The following GALNT16 variants were observed in gnomAD, a reference collection of about 807,000 sequenced individuals.
GALNT16 encodes polypeptide N-acetylgalactosaminyltransferase 16, also known as UDP-GalNAc:polypeptide N-acetylgalactosaminyltransferase-like protein 1.
Under a neutral mutation model 76.1 loss-of-function variants are expected in GALNT16, and 40 were observed. That is an observed-to-expected ratio of 0.53 (90% CI 0.41 to 0.68). GALNT16 has a LOEUF of 0.68. Among genes scored for constraint, GALNT16 ranks in the 30% least tolerant of loss-of-function variants. The probability of loss-of-function intolerance (pLI) is 0.00; values close to 1 mark genes in which losing one functional copy is unlikely to be tolerated. For synonymous variants in GALNT16, 276 were observed against 285.2 expected (o/e 0.97, Z 0.32); for missense variants, 621 against 731.9 (o/e 0.85, Z 1.75).
intron 5 of GALNT16, among the ~76,000 whole-genome samples, chr14:69,326,676 C>A (rs1017528415): frequency 6.6e-6 from 1 of 152,190 alleles, no homozygotes; most frequent in Non-Finnish European, 1.5e-5. Context: ...GTGCACTCTG[C>A]AAGCAAAGGC....
Position 69,338,771 on chromosome 14 carries a change from A to G in GALNT16, c.1088A>G (p.Tyr363Cys). The change falls in exon 10 of 15, where the codon TAC (tyrosine) becomes TGC (cysteine). Residue 363 changes from tyrosine to cysteine, a missense_variant. Transcript: ENST00000448469. The part of the protein sequence containing the change: ...YNFPEGNALT[Y>C]IRNTKRTAEV... ...TTCCCTGAGGGTAATGCCCTCACCT[A>G]CATCAGGTAGGTCACCGAGAAAGGA... The G allele has an allele frequency of 3.7e-6, 6 of 1,612,348 alleles. No homozygotes were observed. Among genetic ancestry groups the G allele is most frequent in the Non-Finnish European group, 4.2e-6 (5 of 1,179,148 alleles).
chr14:69,333,572 G>C lies in GALNT16; in HGVS notation c.939G>C (p.Gln313His). ...WFNHLGKYDAQMDIWGGENFE... is the reference protein window; with the variant it reads ...WFNHLGKYDAHMDIWGGENFE... ...ACCACTTGGGAAAGTATGATGCCCA[G>C]ATGGACATCTGGGGGGGAGAGAATT... The change falls in exon 9 of 15, where the codon CAG becomes CAC. Residue 313 changes from glutamine to histidine, a missense_variant. Coordinates refer to ENST00000448469, the MANE Select transcript of GALNT16 (RefSeq NM_001168368.2). The surrounding 1 kb of genome is among the most constrained non-coding windows in gnomAD (Gnocchi z 4.2). The C allele has an allele frequency of 6.3e-7, 1 of 1,592,028 alleles. No individual in the cohort carries two copies. The highest frequency in any genetic ancestry group is 8.6e-7 in the Non-Finnish European group (1 of 1,163,630).
intron 1 of GALNT16, among the ~76,000 whole-genome samples, chr14:69,295,802 T>C (rs1348122338): frequency 6.6e-6 from 1 of 151,940 alleles, no homozygotes; most frequent in Non-Finnish European, 1.5e-5. Flanking sequence ...TTTTCTGGAG[T>C]ACTTAATTTC....
chr14:69,383,545 T>A, the GALNT16 span, among the ~76,000 whole-genome samples: 23 of 152,200 alleles, frequency 1.5e-4, no homozygotes, highest in Admixed American at 2.6e-4. Flanking sequence ...CAAAGTCACC[T>A]GGGGAAAATA....
intron 1 of GALNT16, among the ~76,000 whole-genome samples, chr14:69,311,170 G>A (rs1226260984): frequency 6.6e-6 from 1 of 152,164 alleles, no homozygotes; most frequent in Admixed American, 6.5e-5. Context: ...CCAAGATCAA[G>A]GCACCAGCAG....
At chr14:69,301,922 G>A (rs1043013359) in intron 1 of GALNT16, among the ~76,000 whole-genome samples, 10 of 152,130 alleles carry the variant, frequency 6.6e-5, no homozygotes, top group South Asian at 4.1e-4. Context: ...CCCAGGAGGC[G>A]GGGTTGCAGT....
At chr14:69,260,089 G>C (rs2044239910), upstream of GALNT16, 1 of 550,168 alleles carries the variant, frequency 1.8e-6, no homozygotes, top group Non-Finnish European at 3.2e-6. Context: ...GGGGCTGAAG[G>C]GCATTAGGAC....
chr14:69,324,551 G>A (rs139663330), intron 2 of GALNT16, 141 bp from the exon 3 acceptor site: 20 of 498,152 alleles, frequency 4.0e-5, no homozygotes, highest in South Asian at 2.6e-4. Flanking sequence ...GGGTGGAGGC[G>A]CGGGGCCTCT....
intron 1 of GALNT16, among the ~76,000 whole-genome samples, chr14:69,305,627 T>G (rs867252589): frequency 9.9e-5 from 15 of 152,170 alleles, no homozygotes; most frequent in Middle Eastern, 3.2e-3. Flanking sequence ...TTGTTTTTGT[T>G]TTTTTTAACT....
chr14:69,270,647 G>A (rs1301731517), intron 1 of GALNT16, among the ~76,000 whole-genome samples: 1 of 152,234 alleles, frequency 6.6e-6, no homozygotes, highest in Non-Finnish European at 1.5e-5. Context: ...GCCTTCCAAA[G>A]TTGCTGGATC....
intron 6 of GALNT16, among the ~76,000 whole-genome samples, chr14:69,330,778 G>A (rs911325152): frequency 1.3e-5 from 2 of 152,218 alleles, no homozygotes; most frequent in Non-Finnish European, 2.9e-5. Flanking sequence ...GAAGGGTGAT[G>A]AAGTTTTACA....
Position 69,352,131 on chromosome 14 carries a change from C to T in GALNT16, c.1640C>T (p.Ala547Val). The T allele has an allele frequency of 2.5e-6, 4 of 1,613,614 alleles. No homozygotes were observed. The South Asian group carries it at 4.4e-5, about 18-fold the overall frequency. Residue 547 changes from alanine to valine, a missense_variant, in exon 15 of 15, where the codon GCC becomes GTC. Ala to Val is a moderately conservative substitution (Grantham distance 64). Transcript: ENST00000448469. ...GTGACCAGCAAGTGTCAGGCTGACG[C>T]CCAGGCCCAGCAGTGGCAGCTGTTG... ...QLVTSKCQAD[A>V]QAQQWQLLPH...
the GALNT16 span, among the ~76,000 whole-genome samples, chr14:69,373,679 A>G: frequency 1.3e-5 from 2 of 152,068 alleles, no homozygotes; most frequent in Non-Finnish European, 2.9e-5. Flanking sequence ...TCACTAAGAG[A>G]TTATCTCCCT....
the GALNT16 span, among the ~76,000 whole-genome samples, chr14:69,369,825 G>A: frequency 6.6e-6 from 1 of 152,156 alleles, no homozygotes; most frequent in Non-Finnish European, 1.5e-5. Flanking sequence ...GCTCTCTAAG[G>A]TCCCCCTGAG....
At position 69,333,474 on chromosome 14, in the gene GALNT16, G is replaced by A. The variant is rs775544213; in HGVS notation, c.864-23G>A. On this transcript the variant is annotated intron_variant, in intron 8 of 14. Transcript: ENST00000448469. This position sits in a 1 kb window ranked among gnomAD's most constrained non-coding sequence, Gnocchi z 4.2. ...CTTGCTTCTCCAGCTCACGTGTTGC[G>A]TCTTCCCTCTCCTTGCTCCCAGGAC... is the stretch of plus-strand genomic sequence containing the variant. 32 of 1,473,994 alleles carry A rather than the reference G, an allele frequency of 2.2e-5. No individual in the cohort carries two copies. Among genetic ancestry groups the A allele is most frequent in the African/African-American group, 4.1e-5 (3 of 72,496 alleles). The allele number at this position is 1,473,994 out of a possible 1,614,324, so 91.3% of individuals were successfully genotyped here.
intron 6 of GALNT16, among the ~76,000 whole-genome samples, chr14:69,330,410 G>A (rs866517218): frequency 6.6e-6 from 1 of 152,214 alleles, no homozygotes; most frequent in East Asian, 1.9e-4. Context: ...TTTCTTGTCG[G>A]GGTGGTGAAA....
intron 2 of GALNT16, among the ~76,000 whole-genome samples, chr14:69,322,892 A>G (rs1350485551): frequency 6.7e-6 from 1 of 149,970 alleles, no homozygotes; most frequent in African/African-American, 2.4e-5. Flanking sequence ...CTCCGTCTCA[A>G]AAAAGAAAAA....
chr14:69,287,807 T>C (rs2044633791), intron 1 of GALNT16, among the ~76,000 whole-genome samples: 1 of 152,160 alleles, frequency 6.6e-6, no homozygotes, highest in Non-Finnish European at 1.5e-5. Context: ...AGCTTGGAAA[T>C]GATGCAGCTG....
rs1275815899 is a variant in GALNT16 at position 69,294,612 on chromosome 14, C to T, written c.178-26099C>T. ...CCCACATACAGTCACTTCCCCTTCC[C>T]ACCCCCAGCCCTAGGGAACCACTAA... On this transcript the variant is annotated intron_variant, in intron 1 of 14. Coordinates refer to ENST00000448469, the MANE Select transcript of GALNT16 (RefSeq NM_001168368.2). Among the ~76,000 whole-genome samples the T allele has an allele frequency of 3.3e-5, 5 of 152,304 alleles. 1 individual carries two copies. The highest frequency in any genetic ancestry group is 3.3e-4 in the Admixed American group (5 of 15,302).
Sources: allele counts gnomAD v4.1 joint callset (sites outside exome capture counted in the v4.1 genomes callset), GRCh38; gene constraint gnomAD v4.1.1; non-coding constraint Gnocchi (gnomAD v3.1); transcripts MANE v1.5; gene names NCBI Gene and HGNC (gene_info 2026-07-23, HGNC 2026-07-21).